ABCC8: variants seen among roughly 807,000 people sequenced by gnomAD.
The protein encoded by ABCC8 is ATP binding cassette subfamily C member 8.
ABCC8 carries 137 observed loss-of-function variants against 188.0 expected under a neutral mutation model. The ratio of observed to expected loss-of-function variants is 0.73; its 90% CI spans 0.63 to 0.84. ABCC8 has a LOEUF of 0.84. ABCC8 is among the 40% of genes least tolerant of loss of function. ABCC8 has a pLI of 0.00. For synonymous variants in ABCC8, 797 were observed against 846.5 expected, an observed-to-expected ratio of 0.94 and a Z score of 1.01; for missense variants, 1,750 against 2,072.7, an observed-to-expected ratio of 0.84 and a Z score of 3.02.
At position 17,407,015 on chromosome 11, in the gene ABCC8, A is replaced by T; in HGVS notation, c.3035T>A (p.Leu1012Gln). Residue 1012 changes from leucine to glutamine, a missense_variant, in exon 25 of 39, where the codon CTG becomes CAG. Physicochemically the swap from Leu to Gln is moderately radical, Grantham distance 113 (BLOSUM62 -2). Transcript: ENST00000389817. ...KYLSSAGILL[L>Q]SLLVFSQLLK... is the part of the protein sequence containing the mutation. ...CAGCTGTGAGAAGACCAGCAACGAC[A>T]GGAGCAGGATGCCGGCGGAGGACAG... The T allele has an allele frequency of 6.2e-7, 1 of 1,614,216 alleles. No homozygotes were observed. The highest frequency in any genetic ancestry group is 8.5e-7 in the Non-Finnish European group (1 of 1,180,046).
intron 17 of ABCC8, among the ~76,000 whole-genome samples, 184 bp downstream of exon 17, chr11:17,416,746 T>G (rs555055916): frequency 2.6e-5 from 4 of 152,344 alleles, no homozygotes; most frequent in African/African-American, 9.6e-5. Flanking sequence ...CTAAGTGTTT[T>G]CTGTCCCCAA....
At chr11:17,439,643 C>A (rs765782067) in intron 10 of ABCC8, among the ~76,000 whole-genome samples, 3 of 152,118 alleles carry the variant, frequency 2.0e-5, no homozygotes, top group African/African-American at 7.2e-5. Context: ...AACACATCCT[C>A]GGAAAGGCAA....
chr11:17,428,700 C>A (rs746960108), intron 12 of ABCC8, 30 bp from the exon 13 acceptor site: 7 of 1,608,886 alleles, frequency 4.4e-6, no homozygotes, highest in African/African-American at 1.3e-5. Context: ...ACACCCCTCA[C>A]CCCTGCCAGG....
rs74830005 is a variant in ABCC8 at position 17,451,850 on chromosome 11, G to T, written c.1176+1269C>A. ...TTTCTCACCAATGGGATGCGAGAGG[G>T]TATGTGCAAATCAGGTATTACCATT... is the stretch of plus-strand genomic sequence containing the variant. On this transcript the variant is annotated intron_variant, in intron 7 of 38. Coordinates refer to ENST00000389817, the MANE Select transcript of ABCC8 (RefSeq NM_000352.6). 2.8e-3 allele frequency among the ~76,000 whole-genome samples: 429 copies of T among 152,322 alleles called. 1 individual carries two copies. The highest frequency in any genetic ancestry group is 1.0e-2 in the African/African-American group (415 of 41,580).
intron 8 of ABCC8, among the ~76,000 whole-genome samples, chr11:17,444,802 T>A (rs1298559166): frequency 6.6e-6 from 1 of 152,238 alleles, no homozygotes; most frequent in East Asian, 1.9e-4. Context: ...CTGTGCAGTC[T>A]TGGGTGAGTT....
intron 16 of ABCC8, among the ~76,000 whole-genome samples, chr11:17,425,803 TTAAG>T (rs2133526312): frequency 6.6e-6 from 1 of 152,230 alleles, no homozygotes; most frequent in East Asian, 1.9e-4. Flanking sequence ...TTCATCTACA[TTAAG>T]TATTTCTCCT....
At chr11:17,410,262 G>T in intron 22 of ABCC8, 2 of 495,068 alleles carry the variant, frequency 4.0e-6, no homozygotes, top group Non-Finnish European at 7.3e-6. Context: ...AGACTTCTTG[G>T]TGCCAGCCTT....
intron 10 of ABCC8, among the ~76,000 whole-genome samples, chr11:17,437,240 A>G (rs916077330): frequency 2.6e-5 from 4 of 152,194 alleles, no homozygotes; most frequent in African/African-American, 9.7e-5. Flanking sequence ...GCCCCATACA[A>G]AACGAAACAA....
At chr11:17,462,614 T>G (rs1249636947) in intron 4 of ABCC8, among the ~76,000 whole-genome samples, 1 of 152,240 alleles carries the variant, frequency 6.6e-6, no homozygotes, top group African/African-American at 2.4e-5. Flanking sequence ...ACACCATTAT[T>G]CATGAAGGCA....
intron 33 of ABCC8, chr11:17,396,307 C>T (rs1953925228): frequency 2.6e-5 from 10 of 386,022 alleles, no homozygotes; most frequent in Admixed American, 1.1e-4. Flanking sequence ...CTGTGTGCCC[C>T]GCCCTACAAT....
chr11:17,419,326 G>GC (rs973470144), intron 16 of ABCC8, among the ~76,000 whole-genome samples: 21 of 152,300 alleles, frequency 1.4e-4, no homozygotes, highest in Admixed American at 1.1e-3. Context: ...CTTCCCTCCA[G>GC]CCCACTAGGA....
intron 9 of ABCC8, 32 bp from the exon 10 acceptor site, chr11:17,442,914 C>T: frequency 6.2e-7 from 1 of 1,604,778 alleles, no homozygotes; most frequent in East Asian, 2.2e-5. Flanking sequence ...AGGGGAGAGG[C>T]TTCTGCTCCG....
rs1953944859 is a variant in ABCC8 at position 17,396,665 on chromosome 11, G to A, written c.4119+251C>T. 8 of 539,320 alleles carry A rather than the reference G, an allele frequency of 1.5e-5. No individual in the cohort carries two copies. The Middle Eastern group carries it at 1.5e-3, about 104-fold the overall frequency. 33.4% of individuals were successfully genotyped at this position (539,320 alleles called of 1,614,324 possible). ...CTGACAAAGCCCGTGTGAGCTGGGGGAGTCCAGAGTGTCGGTCTCCTTGGT... is the reference window on the plus strand; with the variant it reads ...CTGACAAAGCCCGTGTGAGCTGGGGAAGTCCAGAGTGTCGGTCTCCTTGGT... On this transcript the variant is annotated intron_variant, in intron 33 of 38. Transcript: ENST00000389817.
At chr11:17,398,941 G>A (rs982414077) in intron 29 of ABCC8, 5 of 192,286 alleles carry the variant, frequency 2.6e-5, no homozygotes, top group East Asian at 1.2e-4. Flanking sequence ...TATCTAAATC[G>A]CAAACTGTGT....
chr11:17,413,666 C>A (rs528422565), intron 19 of ABCC8, 188 bp from the exon 20 acceptor site: 25 of 1,205,972 alleles, frequency 2.1e-5, no homozygotes, highest in Non-Finnish European at 2.8e-5. Context: ...CTTCACACAG[C>A]GTTTGGGCAG....
In ABCC8 at chr11:17,427,334, C is replaced by A. The variant is rs548202804; in HGVS notation, c.2117-180G>T. On this transcript the variant is annotated intron_variant, in intron 15 of 38. Transcript: ENST00000389817. The surrounding 1 kb of genome is among the most constrained non-coding windows in gnomAD (Gnocchi z 5.0). ...CTTTCCTTCTGGAAATCAACATCCT[C>A]CTCTGGCTCCCCAGGTCCTTCCCCC... 9.0e-6 allele frequency: 7 copies of A among 781,990 alleles called. No homozygotes were observed. In the South Asian group the frequency reaches 3.5e-4, roughly 39 times the overall value. The allele number at this position is 781,990 out of a possible 1,614,324, so 48.4% of individuals were successfully genotyped here. A position where few individuals can be genotyped will look rare whatever the true frequency, so the allele number is the denominator to read the frequency against.
chr11:17,455,312 G>A (rs963140827), intron 6 of ABCC8, among the ~76,000 whole-genome samples: 6 of 152,188 alleles, frequency 3.9e-5, no homozygotes, highest in Non-Finnish European at 5.9e-5. Context: ...AAACACACAG[G>A]CTGGAGAATG....
At chr11:17,453,383 C>A in intron 6 of ABCC8, 100 bp from the exon 7 acceptor site, 1 of 1,519,744 alleles carries the variant, frequency 6.6e-7, no homozygotes, top group Non-Finnish European at 9.0e-7. Flanking sequence ...ATCATTATTA[C>A]AAGACCCTCT....
intron 11 of ABCC8, among the ~76,000 whole-genome samples, chr11:17,431,935 A>C (rs892759201): frequency 1.3e-5 from 2 of 152,262 alleles, no homozygotes; most frequent in Admixed American, 1.3e-4. Context: ...TTTAAAAATT[A>C]AAAATTTGGA....
Sources: gnomAD v4.1 joint callset for allele counts (sites outside exome capture counted in the v4.1 genomes callset) on GRCh38, gnomAD v4.1.1 for gene constraint, Gnocchi (gnomAD v3.1) non-coding constraint, MANE v1.5 for transcripts, NCBI Gene and HGNC (gene_info 2026-07-23, HGNC 2026-07-21) for gene names.